The following BCAS3 variants were observed in gnomAD, a reference collection of about 807,000 sequenced individuals.
The protein encoded by BCAS3 is BCAS3 microtubule associated cell migration factor, also known as BCAS4/BCAS3 fusion.
BCAS3 carries 53 observed loss-of-function variants against 116.1 expected under a neutral mutation model. The observed-to-expected ratio is 0.46, with a 90% CI of 0.37 to 0.57. BCAS3 has a LOEUF of 0.57. Among genes scored for constraint, BCAS3 ranks in the 20% least tolerant of loss-of-function variants. The pLI is 0.00. For missense variants in BCAS3, 917 were observed against 1,165.4 expected, an observed-to-expected ratio of 0.79 and a Z score of 3.10; for synonymous variants, 391 against 408.2, an observed-to-expected ratio of 0.96 and a Z score of 0.51.
intron 6 of BCAS3, among the ~76,000 whole-genome samples, chr17:60,771,584 G>A (rs1348574322): frequency 6.6e-6 from 1 of 151,800 alleles, no homozygotes; most frequent in Non-Finnish European, 1.5e-5. Context: ...TAAATTCTAG[G>A]GTATATGTGC....
Position 61,244,253 on chromosome 17 carries a change from A to G in BCAS3, c.2426-124074A>G, listed in dbSNP as rs2047756881. ...AGTTAACAACTATTAACATTATGGT[A>G]TTTATTAAGATTCTTCTATGCATTT... On this transcript the variant is annotated intron_variant, in intron 22 of 23. Transcript: ENST00000407086. This position sits in a 1 kb window ranked among gnomAD's most constrained non-coding sequence, Gnocchi z 4.9. Among the ~76,000 whole-genome samples the G allele has an allele frequency of 1.3e-5, 2 of 152,214 alleles. No homozygotes were observed. The highest frequency in any genetic ancestry group is 6.5e-5 in the Admixed American group (1 of 15,276).
At chr17:61,329,861 T>C (rs533782364) in intron 22 of BCAS3, among the ~76,000 whole-genome samples, 4 of 152,284 alleles carry the variant, frequency 2.6e-5, no homozygotes, top group African/African-American at 7.2e-5. Flanking sequence ...GCCGCTTACC[T>C]GCTCAGTCTT....
intron 19 of BCAS3, among the ~76,000 whole-genome samples, chr17:61,072,621 A>T (rs2143437718): frequency 6.6e-6 from 1 of 150,732 alleles, no homozygotes; most frequent in South Asian, 2.1e-4. Flanking sequence ...ATGGTTACTC[A>T]CTTCTACTTA....
intron 22 of BCAS3, among the ~76,000 whole-genome samples, chr17:61,146,114 T>TTG (rs1235047574): frequency 1.0e-3 from 2 of 1,958 alleles, no homozygotes; most frequent in Non-Finnish European, 0.071. Flanking sequence ...TGGTTTTTTG[T>TTG]TTTTTTTTTT....
intron 13 of BCAS3, among the ~76,000 whole-genome samples, chr17:60,945,336 C>A (rs948317876): frequency 6.6e-6 from 1 of 152,094 alleles, no homozygotes; most frequent in Non-Finnish European, 1.5e-5. Flanking sequence ...TTATTACACT[C>A]AATACAGTTC....
At chr17:60,847,835 T>G (rs2052668885) in intron 7 of BCAS3, among the ~76,000 whole-genome samples, 2 of 152,138 alleles carry the variant, frequency 1.3e-5, no homozygotes, top group African/African-American at 4.8e-5. Flanking sequence ...ACAGAAATTT[T>G]AAAATATTGA....
At position 60,722,800 on chromosome 17, in the gene BCAS3, G is replaced by A. The variant is rs141383661; in HGVS notation, c.321+13475G>A. ...AATGCTTTTTAGGCTGGGCACAGTG[G>A]CTCATGCCTGTAATCCTGGCACTTT... On this transcript the variant is annotated intron_variant, in intron 5 of 23. Transcript: ENST00000407086. Among the ~76,000 whole-genome samples the A allele has an allele frequency of 5.3e-5, 8 of 152,100 alleles. No individual in the cohort carries two copies. In the East Asian group the frequency reaches 1.5e-3, roughly 29 times the overall value.
intron 23 of BCAS3, among the ~76,000 whole-genome samples, chr17:61,372,133 A>G (rs543129349): frequency 4.6e-5 from 7 of 152,130 alleles, no homozygotes; most frequent in Admixed American, 3.3e-4. Context: ...TATTATTCCA[A>G]TTGGTGCCTC....
Position 61,388,846 on chromosome 17 carries a change from G to C in BCAS3, c.2594-3131G>C. On this transcript the variant is annotated intron_variant, in intron 23 of 23. Transcript: ENST00000407086. This position sits in a 1 kb window ranked among gnomAD's most constrained non-coding sequence, Gnocchi z 6.5. ...GCCTGCAGGGGGAGGAGCAGAAGGG[G>C]TCTGAGAGGAGGCGTGGAGAAAAGC... 1 of 864,118 alleles carries C rather than the reference G, an allele frequency of 1.2e-6. No individual in the cohort carries two copies. Among genetic ancestry groups the C allele is most frequent in the South Asian group, 1.7e-5 (1 of 58,012 alleles). The allele number at this position is 864,118 out of a possible 1,614,324, so 53.5% of individuals were successfully genotyped here. A position where few individuals can be genotyped will look rare whatever the true frequency, so the allele number is the denominator to read the frequency against.
chr17:61,045,972 ATATATT>A (rs1244473022), intron 19 of BCAS3, among the ~76,000 whole-genome samples: 5 of 11,074 alleles, frequency 4.5e-4, no homozygotes, highest in Non-Finnish European at 6.0e-4. Flanking sequence ...TATAATATAT[ATATATT>A]ATATATATAT....
intron 7 of BCAS3, among the ~76,000 whole-genome samples, chr17:60,848,137 T>C (rs2052696367): frequency 6.6e-6 from 1 of 152,252 alleles, no homozygotes. Flanking sequence ...TTCTGGACTC[T>C]GAATTCTATT....
At chr17:61,360,901 C>T (rs1295533042) in intron 22 of BCAS3, among the ~76,000 whole-genome samples, 1 of 152,194 alleles carries the variant, frequency 6.6e-6, no homozygotes, top group East Asian at 1.9e-4. Context: ...CAAGAGCTGG[C>T]ATTTGAACCC....
intron 6 of BCAS3, among the ~76,000 whole-genome samples, chr17:60,761,474 G>GT (rs2043524323): frequency 6.6e-6 from 1 of 151,832 alleles, no homozygotes; most frequent in Non-Finnish European, 1.5e-5. Flanking sequence ...TTCTGTCCTT[G>GT]CAATAGTTTG....
Position 60,677,896 on chromosome 17 carries a change from T to C in BCAS3, c.-24T>C, listed in dbSNP as rs2032220218. The C allele has an allele frequency of 6.5e-6, 1 of 153,594 alleles. No individual in the cohort carries two copies. Among genetic ancestry groups the C allele is most frequent in the Admixed American group, 6.5e-5 (1 of 15,278 alleles). The allele number at this position is 153,594 out of a possible 1,614,324, so 9.5% of individuals were successfully genotyped here. A position where few individuals can be genotyped will look rare whatever the true frequency, so the allele number is the denominator to read the frequency against. ...GTGAGCCTAGAGCTGGAGACTAGCG[T>C]TAACCGGCGGGGCGGCCGGTGAGAG... On this transcript the variant is annotated 5_prime_UTR_variant, in exon 1 of 24. Transcript: ENST00000407086.
chr17:61,150,231 C>T (rs940709109), intron 22 of BCAS3, among the ~76,000 whole-genome samples: 3 of 152,170 alleles, frequency 2.0e-5, no homozygotes, highest in African/African-American at 7.2e-5. Flanking sequence ...AGTATGCTCC[C>T]AGACAGAAGA....
chr17:60,681,329 G>A (rs1461322414), intron 2 of BCAS3, among the ~76,000 whole-genome samples: 1 of 151,616 alleles, frequency 6.6e-6, no homozygotes, highest in Admixed American at 6.6e-5. Flanking sequence ...GAGAAAACCC[G>A]TCTCTACTAA....
At chr17:60,909,841 CATCTT>C (rs2058394040) in intron 11 of BCAS3, among the ~76,000 whole-genome samples, 1 of 152,114 alleles carries the variant, frequency 6.6e-6, no homozygotes, top group Non-Finnish European at 1.5e-5. Flanking sequence ...TAATTATAAA[CATCTT>C]AAGTTATCTT....
In BCAS3 at chr17:60,679,658, A is replaced by T. The variant is rs1369889082; in HGVS notation, c.83+118A>T. ...TAAAAATCTTTTAACTGTTGGCTTT[A>T]TGGGATGAATAATAATAATTGCCAA... On this transcript the variant is annotated intron_variant, in intron 2 of 23. Transcript: ENST00000407086. 1.3e-5 allele frequency: 10 copies of T among 776,020 alleles called. No individual in the cohort carries two copies. In the Admixed American group the frequency reaches 2.3e-4, roughly 18 times the overall value. The allele number at this position is 776,020 out of a possible 1,614,324, so 48.1% of individuals were successfully genotyped here.
At chr17:61,096,100 C>T (rs966327448) in intron 22 of BCAS3, among the ~76,000 whole-genome samples, 4 of 152,018 alleles carry the variant, frequency 2.6e-5, no homozygotes, top group Admixed American at 2.0e-4. Flanking sequence ...AGGGTTCAAG[C>T]GATTCTTGTG....
Sources: gnomAD v4.1 joint callset for allele counts (sites outside exome capture counted in the v4.1 genomes callset) on GRCh38, gnomAD v4.1.1 for gene constraint, Gnocchi (gnomAD v3.1) non-coding constraint, MANE v1.5 for transcripts, NCBI Gene and HGNC (gene_info 2026-07-23, HGNC 2026-07-21) for gene names.